RNF212: variants seen among roughly 807,000 people sequenced by gnomAD.
RNF212 encodes ring finger protein 212.
RNF212 carries 33 observed loss-of-function variants against 34.7 expected under a neutral mutation model. The observed-to-expected ratio is 0.95, with a 90% confidence interval of 0.72 to 1.27. The LOEUF (loss-of-function observed/expected upper bound fraction) is 1.27. Among genes scored for constraint, RNF212 ranks in the 50% most tolerant of loss-of-function variants. RNF212 has a pLI of 0.00. For synonymous variants in RNF212, 140 were observed against 136.1 expected (o/e 1.03, Z -0.20); for missense variants, 377 against 362.2 (o/e 1.04, Z -0.33).
At chr4:1,113,590 T>TGCGCCCGCGCACTGGAGCTC (rs1726180243), upstream of RNF212, 1 of 644,128 alleles carries the variant, frequency 1.6e-6, no homozygotes, top group African/African-American at 2.0e-5. Flanking sequence ...ACGGCAGCCC[T>TGCGCCCGCGCACTGGAGCTC]GCGCCCGCGC....
chr4:1,113,574 A>T (rs1726175886), upstream of RNF212: 6 of 804,156 alleles, frequency 7.5e-6, no homozygotes, highest in Non-Finnish European at 1.1e-5. Flanking sequence ...CGCCTGCGCA[A>T]AGTCGACGGC....
chr4:1,095,674 A>G (rs868860790), intron 3 of RNF212, among the ~76,000 whole-genome samples: 7 of 40,004 alleles, frequency 1.7e-4, no homozygotes, highest in African/African-American at 5.5e-4. Flanking sequence ...GGCTCATCAC[A>G]GAACCAAGCA....
At chr4:1,081,308 T>C (rs1413747291) in intron 7 of RNF212, 111 bp downstream of exon 7, 7 of 889,398 alleles carry the variant, frequency 7.9e-6, no homozygotes, top group African/African-American at 3.6e-5. Context: ...GTCAACTGTA[T>C]GGATTAGCAA....
intron 8 of RNF212, among the ~76,000 whole-genome samples, chr4:1,075,315 A>C (rs1280822493): frequency 6.6e-6 from 1 of 152,186 alleles, no homozygotes; most frequent in Non-Finnish European, 1.5e-5. Flanking sequence ...AGACTGTGTA[A>C]TTCATAAAGA....
At chr4:1,058,149 AAATTTTTAGCACT>A (rs1232112347) in intron 4 of RNF212, among the ~76,000 whole-genome samples, 1 of 151,292 alleles carries the variant, frequency 6.6e-6, no homozygotes, top group African/African-American at 2.4e-5. Flanking sequence ...GCAACATATT[AAATTTTTAGCACT>A]AATTCTCTCT....
intron 7 of RNF212, 36 bp from the exon 8 acceptor site, chr4:1,079,724 C>G: frequency 1.4e-6 from 2 of 1,464,252 alleles, no homozygotes; most frequent in Non-Finnish European, 1.9e-6. Flanking sequence ...TGAGTGAGCC[C>G]AGGACTTACC....
chr4:1,108,221 C>A, intron 2 of RNF212, 122 bp downstream of exon 2: 1 of 590,582 alleles, frequency 1.7e-6, no homozygotes, highest in South Asian at 2.6e-5. Flanking sequence ...ACTCAGATAT[C>A]TTTGTTAACG....
At chr4:1,099,423 C>T (rs1560150894) in intron 2 of RNF212, among the ~76,000 whole-genome samples, 1 of 152,228 alleles carries the variant, frequency 6.6e-6, no homozygotes, top group South Asian at 2.1e-4. Context: ...GGGGGAAAAT[C>T]TAAGTGAGTA....
intron 3 of RNF212, chr4:1,093,539 GA>G: frequency 6.5e-7 from 1 of 1,531,370 alleles, no homozygotes; most frequent in East Asian, 2.4e-5. Context: ...CAGAGCCTGT[GA>G]CCTCCACGGC....
chr4:1,080,416 C>T (rs775568308), intron 7 of RNF212, among the ~76,000 whole-genome samples: 25 of 152,172 alleles, frequency 1.6e-4, no homozygotes, highest in Non-Finnish European at 3.2e-4. Context: ...GTTCTCCACC[C>T]GCTCCCAGTG....
At chr4:1,067,677 C>T (rs1465487738), downstream of RNF212, among the ~76,000 whole-genome samples, 2 of 152,100 alleles carry the variant, frequency 1.3e-5, no homozygotes, top group African/African-American at 4.8e-5. Context: ...CCAGCCTCGT[C>T]AACATGGTGA....
chr4:1,085,739 C>T (rs1721061433), intron 5 of RNF212, 157 bp downstream of exon 5: 1 of 647,224 alleles, frequency 1.5e-6, no homozygotes, highest in Non-Finnish European at 2.8e-6. Context: ...GGTTTTCCCA[C>T]AGCATTTTTG....
Position 1,065,526 on chromosome 4 carries a change from G to C in RNF212, n.148-7133C>G, listed in dbSNP as rs565069775. Among the ~76,000 whole-genome samples, 150 of 64,466 alleles carry C rather than the reference G, an allele frequency of 2.3e-3. 1 individual carries two copies. Among genetic ancestry groups the C allele is most frequent in the Admixed American group, 5.6e-3 (45 of 8,022 alleles). The allele number at this position is 64,466 out of a possible 152,430, so 42.3% of individuals were successfully genotyped here. A position where few individuals can be genotyped will look rare whatever the true frequency, so the allele number is the denominator to read the frequency against. ...TCTGTCAACCAGTCTGGGGTGCAGT[G>C]GTATGATCACTGCTCACTGCAGCCT... On this transcript the variant is annotated intron_variant and non_coding_transcript_variant, in intron 3 of 4. Transcript: ENST00000503206.
At position 1,072,595 on chromosome 4, in the gene RNF212, GA is replaced by G; in HGVS notation, c.*278del. 1.9e-5 allele frequency: 18 copies of G among 943,634 alleles called. No homozygotes were observed. Among genetic ancestry groups the G allele is most frequent in the South Asian group, 7.0e-5 (2 of 28,582 alleles). 58.5% of individuals were successfully genotyped at this position (943,634 alleles called of 1,614,324 possible). A position where few individuals can be genotyped will look rare whatever the true frequency, so the allele number is the denominator to read the frequency against. On this transcript the variant is annotated 3_prime_UTR_variant, in exon 10 of 10. Transcript: ENST00000433731. Reference sequence around the variant, plus strand: ...AAAAGTTTTAAAAACCACCCAGTTAGAAAAAAATGATTTAAGTATGTGAAAA... The same window carrying G: ...AAAAGTTTTAAAAACCACCCAGTTAGAAAAAATGATTTAAGTATGTGAAAA...
intron 9 of RNF212, 29 bp downstream of exon 9, chr4:1,073,570 G>C: frequency 6.8e-7 from 1 of 1,466,080 alleles, no homozygotes; most frequent in Non-Finnish European, 9.6e-7. Context: ...TGCATGTATC[G>C]GTCTGAGGTT....
chr4:1,112,570 G>A (rs1725858122), intron 1 of RNF212, among the ~76,000 whole-genome samples: 1 of 151,952 alleles, frequency 6.6e-6, no homozygotes, highest in Admixed American at 6.6e-5. Context: ...TAGGGCCAGA[G>A]TCCTCCACTG....
At position 1,058,946 on chromosome 4, in the gene RNF212, G is replaced by A. The variant is rs574409910; in HGVS notation, n.148-553C>T. 5.3e-5 allele frequency among the ~76,000 whole-genome samples: 8 copies of A among 152,330 alleles called. No homozygotes were observed. The East Asian group carries it at 5.8e-4, about 11-fold the overall frequency. ...AGAACTGCCGGAAGGGCAAAAGCGC[G>A]TCCAGAATTTCTTTCAGTGCCCCAC... On this transcript the variant is annotated intron_variant and non_coding_transcript_variant, in intron 3 of 4. Coordinates refer to the RNF212 transcript ENST00000503206.
intron 2 of RNF212, 31 bp from the exon 3 acceptor site, chr4:1,096,870 T>C (rs772244466): frequency 7.3e-6 from 11 of 1,510,840 alleles, no homozygotes; most frequent in Non-Finnish European, 1.0e-5. Context: ...TCTACATTTA[T>C]TGTGTCTAAT....
At chr4:1,078,971 CCAACACAGGGT>C (rs1453230789) in intron 8 of RNF212, among the ~76,000 whole-genome samples, 9 of 145,210 alleles carry the variant, frequency 6.2e-5, no homozygotes, top group East Asian at 2.2e-4. Flanking sequence ...CAACATAGGA[CCAACACAGGGT>C]CAACACAGGA....
Sources: allele counts gnomAD v4.1 joint callset (sites outside exome capture counted in the v4.1 genomes callset), GRCh38; gene constraint gnomAD v4.1.1; transcripts MANE v1.5; gene names NCBI Gene and HGNC (gene_info 2026-07-23, HGNC 2026-07-21).